Variants in ATRNL1 observed in about 807,000 individuals in gnomAD.
The protein encoded by ATRNL1 is attractin-like protein 1.
In ATRNL1, 95 loss-of-function variants were observed where a neutral mutation model predicts 182.7. That is an observed-to-expected ratio of 0.52 (90% CI 0.44 to 0.62). The LOEUF (loss-of-function observed/expected upper bound fraction) is 0.62, where lower values mean the gene tolerates loss of function less well. Among genes scored for constraint, ATRNL1 ranks in the 20% least tolerant of loss-of-function variants. ATRNL1 has a pLI of 0.00. For missense variants in ATRNL1, 1,471 were observed against 1,679.5 expected (o/e 0.88, Z 2.17); for synonymous variants, 576 against 568.3 (o/e 1.01, Z -0.19).
chr10:115,746,698 G>T (rs942578380), intron 27 of ATRNL1, among the ~76,000 whole-genome samples: 1 of 151,962 alleles, frequency 6.6e-6, no homozygotes, highest in South Asian at 2.1e-4. Context: ...CTCAGCTGAA[G>T]TGCATAACAG....
intron 26 of ATRNL1, among the ~76,000 whole-genome samples, chr10:115,558,522 G>A (rs560006160): frequency 2.0e-5 from 3 of 152,326 alleles, no homozygotes; most frequent in South Asian, 4.1e-4. Flanking sequence ...GGGGAGGGCT[G>A]TAGGGAGAGT....
In ATRNL1 at chr10:115,115,631, A is replaced by T. The variant is rs561817336; in HGVS notation, c.294-4554A>T. On this transcript the variant is annotated intron_variant, in intron 1 of 28. Coordinates refer to ENST00000355044, the MANE Select transcript of ATRNL1 (RefSeq NM_207303.4). ...TTTAAAAAAGATTTCTATGTGAAAA[A>T]GGCTTACAAAGGCCACCCTGCATAA... is the stretch of plus-strand genomic sequence containing the variant. 3.9e-5 allele frequency among the ~76,000 whole-genome samples: 6 copies of T among 152,248 alleles called. No homozygotes were observed. In the South Asian group the frequency reaches 1.2e-3, roughly 32 times the overall value.
At chr10:115,353,948 ATTG>A (rs1406817493) in intron 19 of ATRNL1, among the ~76,000 whole-genome samples, 5 of 152,060 alleles carry the variant, frequency 3.3e-5, no homozygotes, top group African/African-American at 1.2e-4. Flanking sequence ...TCTTTCAAAA[ATTG>A]TTGTAGTTAT....
chr10:115,173,460 G>C (rs899839878), intron 8 of ATRNL1, among the ~76,000 whole-genome samples: 1 of 151,792 alleles, frequency 6.6e-6, no homozygotes, highest in Non-Finnish European at 1.5e-5. Context: ...TATGGAGTTT[G>C]ATATTATTTA....
At chr10:115,669,052 T>G (rs1202593456) in intron 26 of ATRNL1, among the ~76,000 whole-genome samples, 1 of 152,138 alleles carries the variant, frequency 6.6e-6, no homozygotes, top group Admixed American at 6.6e-5. Flanking sequence ...TAAAGTGGTT[T>G]TCCAAATGAT....
At chr10:115,124,920 C>G (rs1332621547) in intron 3 of ATRNL1, among the ~76,000 whole-genome samples, 1 of 152,166 alleles carries the variant, frequency 6.6e-6, no homozygotes, top group Non-Finnish European at 1.5e-5. Flanking sequence ...GTGTTACAAT[C>G]AGGTTATGAA....
chr10:115,526,715 G>T (rs1291119005), intron 25 of ATRNL1, among the ~76,000 whole-genome samples: 4 of 152,136 alleles, frequency 2.6e-5, no homozygotes, highest in Non-Finnish European at 4.4e-5. Context: ...CAGAAGCCAA[G>T]ATGGGATTAG....
chr10:115,410,168 T>G (rs552651887), intron 20 of ATRNL1, among the ~76,000 whole-genome samples: 3 of 152,260 alleles, frequency 2.0e-5, no homozygotes, highest in African/African-American at 2.4e-5. Flanking sequence ...ATCAGTGATA[T>G]TAGCCTATAG....
At chr10:115,900,059 A>T (rs1952312057) in intron 28 of ATRNL1, among the ~76,000 whole-genome samples, 1 of 152,242 alleles carries the variant, frequency 6.6e-6, no homozygotes, top group Non-Finnish European at 1.5e-5. Flanking sequence ...CTGGCATAAT[A>T]CAAGTATGTG....
At chr10:115,632,686 A>G (rs376687139) in intron 26 of ATRNL1, among the ~76,000 whole-genome samples, 1 of 152,250 alleles carries the variant, frequency 6.6e-6, no homozygotes. Context: ...GTGAATGAAT[A>G]TGCTGCATTA....
At chr10:115,119,817 A>G (rs1479775125) in intron 1 of ATRNL1, among the ~76,000 whole-genome samples, 1 of 152,090 alleles carries the variant, frequency 6.6e-6, no homozygotes, top group Non-Finnish European at 1.5e-5. Flanking sequence ...TCTCTATTCC[A>G]TAGATTTGTA....
chr10:115,366,739 G>C (rs1554946072), intron 19 of ATRNL1, among the ~76,000 whole-genome samples: 2 of 151,748 alleles, frequency 1.3e-5, no homozygotes, highest in African/African-American at 4.9e-5. Context: ...GTTAGCATTT[G>C]CTTGTCTGTA....
chr10:115,246,342 GA>G (rs1412840905), intron 10 of ATRNL1, among the ~76,000 whole-genome samples: 2 of 151,378 alleles, frequency 1.3e-5, no homozygotes, highest in South Asian at 4.2e-4. Context: ...GGTTTAACAG[GA>G]AAAAAAAGGA....
intron 27 of ATRNL1, among the ~76,000 whole-genome samples, chr10:115,784,331 TCACA>T (rs1949343990): frequency 6.6e-6 from 1 of 152,234 alleles, no homozygotes; most frequent in Admixed American, 6.5e-5. Flanking sequence ...GTGGGGGTAA[TCACA>T]TATTAAGACA....
rs1020059058 is a variant in ATRNL1 at position 115,529,934 on chromosome 10, T to C, written c.3716+10610T>C. On this transcript the variant is annotated intron_variant, in intron 25 of 28. Transcript: ENST00000355044. The stretch of plus-strand genomic sequence containing the variant: ...TCTGAAAAATCACTAATCTACTTTC[T>C]GTCCATAGATTTGCCTATTCTGGAC... 1.2e-4 allele frequency among the ~76,000 whole-genome samples: 18 copies of C among 152,290 alleles called. No individual in the cohort carries two copies. In the East Asian group the frequency reaches 3.5e-3, roughly 29 times the overall value.
chr10:115,912,211 G>C (rs182781021), intron 28 of ATRNL1, among the ~76,000 whole-genome samples: 2 of 152,234 alleles, frequency 1.3e-5, no homozygotes, highest in East Asian at 3.9e-4. Flanking sequence ...ACCATTGATT[G>C]TTGATTATAG....
intron 20 of ATRNL1, 83 bp downstream of exon 20, chr10:115,394,835 G>A: frequency 3.7e-6 from 4 of 1,074,872 alleles, no homozygotes; most frequent in Non-Finnish European, 5.4e-6. Flanking sequence ...TTTTAATTTA[G>A]TGTTGTGCTA....
At chr10:115,608,259 A>T (rs1856973222) in intron 26 of ATRNL1, among the ~76,000 whole-genome samples, 1 of 152,068 alleles carries the variant, frequency 6.6e-6, no homozygotes, top group Non-Finnish European at 1.5e-5. Context: ...GATATAAATC[A>T]GTTAACATCC....
intron 21 of ATRNL1, among the ~76,000 whole-genome samples, chr10:115,432,017 G>A (rs1846191558): frequency 6.6e-6 from 1 of 151,874 alleles, no homozygotes; most frequent in Non-Finnish European, 1.5e-5. Flanking sequence ...TGTCAATGTT[G>A]TCCAATACAA....
Sources: allele counts gnomAD v4.1 joint callset (sites outside exome capture counted in the v4.1 genomes callset), GRCh38; gene constraint gnomAD v4.1.1; transcripts MANE v1.5; gene names NCBI Gene and HGNC (gene_info 2026-07-23, HGNC 2026-07-21).